The following UNC79 variants were observed in gnomAD, a reference collection of about 807,000 sequenced individuals.
UNC79 encodes the protein unc-79 subunit of NALCN channel complex, also known as protein unc-79 homolog.
In UNC79, 37 loss-of-function variants were observed where a neutral mutation model predicts 283.1. That is an observed-to-expected ratio of 0.13 (90% CI 0.10 to 0.17). The LOEUF (loss-of-function observed/expected upper bound fraction) is 0.17, where lower values mean the gene tolerates loss of function less well. Among genes scored for constraint, UNC79 ranks in the 10% least tolerant of loss-of-function variants. The pLI, the probability that UNC79 is intolerant of heterozygous loss-of-function variation, is 1.00. For missense variants in UNC79, 2,272 were observed against 3,211.1 expected, an observed-to-expected ratio of 0.71 and a Z score of 7.07; for synonymous variants, 1,107 against 1,200.2, an observed-to-expected ratio of 0.92 and a Z score of 1.61.
intron 3 of UNC79, among the ~76,000 whole-genome samples, chr14:93,476,136 A>G (rs1209559694): frequency 6.6e-6 from 1 of 152,138 alleles, no homozygotes; most frequent in Non-Finnish European, 1.5e-5. Flanking sequence ...CTGAATTTTT[A>G]GCAAGATCCT....
chr14:93,572,227 C>A, intron 15 of UNC79, 143 bp downstream of exon 15: 2 of 875,722 alleles, frequency 2.3e-6, no homozygotes, highest in South Asian at 2.6e-5. Flanking sequence ...ACTTGAAGCC[C>A]CAACATGAAA....
At chr14:93,340,509 C>T (rs371789564) in intron 1 of UNC79, among the ~76,000 whole-genome samples, 9 of 146,794 alleles carry the variant, frequency 6.1e-5, no homozygotes, top group East Asian at 6.0e-4. Context: ...GTGATTAGTA[C>T]GAAAGTAGTT....
At chr14:93,645,021 G>T (rs2069446224) in intron 34 of UNC79, among the ~76,000 whole-genome samples, 1 of 152,170 alleles carries the variant, frequency 6.6e-6, no homozygotes, top group Non-Finnish European at 1.5e-5. Flanking sequence ...AGTAATTGCA[G>T]AATAAATGTT....
chr14:93,640,496 CGTGTGCCTGTAGCCCCAGCCACTT>C (rs1456273999), intron 32 of UNC79, among the ~76,000 whole-genome samples: 1 of 152,098 alleles, frequency 6.6e-6, no homozygotes, highest in Non-Finnish European at 1.5e-5. Flanking sequence ...GGCATTGTGG[CGTGTGCCTGTAGCCCCAGCCACTT>C]GTGTGGCTGA....
intron 1 of UNC79, among the ~76,000 whole-genome samples, chr14:93,390,509 T>G (rs2054862237): frequency 6.6e-6 from 1 of 152,188 alleles, no homozygotes; most frequent in South Asian, 2.1e-4. Flanking sequence ...AAATTGGAAA[T>G]GAGTAAATAA....
intron 1 of UNC79, among the ~76,000 whole-genome samples, chr14:93,452,717 A>C (rs1050046872): frequency 6.6e-6 from 1 of 152,110 alleles, no homozygotes; most frequent in African/African-American, 2.4e-5. Flanking sequence ...CAATTTTCTC[A>C]GTTTTCTCAT....
intron 42 of UNC79, among the ~76,000 whole-genome samples, chr14:93,683,694 A>C (rs1438363583): frequency 6.6e-6 from 1 of 152,246 alleles, no homozygotes; most frequent in Non-Finnish European, 1.5e-5. Flanking sequence ...GAAAAGCAAC[A>C]TATAGGTCCC....
chr14:93,702,240 T>C (rs1450206209), intron 47 of UNC79, among the ~76,000 whole-genome samples: 3 of 152,158 alleles, frequency 2.0e-5, no homozygotes. Context: ...TACCAATCTT[T>C]GTAATCCCAC....
intron 1 of UNC79, among the ~76,000 whole-genome samples, chr14:93,385,830 G>A (rs1426297177): frequency 1.3e-5 from 2 of 151,822 alleles, no homozygotes; most frequent in Admixed American, 6.6e-5. Context: ...TTTGTATGCT[G>A]CAGCTTTACT....
At chr14:93,378,053 G>GTAAA (rs1488920915) in intron 1 of UNC79, among the ~76,000 whole-genome samples, 1 of 152,190 alleles carries the variant, frequency 6.6e-6, no homozygotes, top group African/African-American at 2.4e-5. Context: ...AAGCCTATTG[G>GTAAA]TAAATGAGTT....
rs117958069 is a variant in UNC79, at chr14:93,422,646, C to T, written c.-350-45025C>T. On this transcript the variant is annotated intron_variant, in intron 1 of 49. Coordinates refer to the UNC79 transcript ENST00000256339. The stretch of plus-strand genomic sequence containing the variant: ...TTTAGTTTACAGAAGGAACATACCT[C>T]GATATAAACAATGTTATATTAAAAA... Among the ~76,000 whole-genome samples the T allele has an allele frequency of 3.2e-3, 489 of 151,762 alleles. 2 individuals carry two copies. The highest frequency in any genetic ancestry group is 3.8e-3 in the African/African-American group (158 of 41,340).
intron 41 of UNC79, 94 bp downstream of exon 44, chr14:93,673,549 A>C: frequency 1.1e-6 from 1 of 951,588 alleles, no homozygotes; most frequent in Non-Finnish European, 1.6e-6. Flanking sequence ...AGAACTAAAT[A>C]TCTTTGCTTA....
At chr14:93,410,452 A>G (rs1415032503) in intron 1 of UNC79, among the ~76,000 whole-genome samples, 1 of 152,184 alleles carries the variant, frequency 6.6e-6, no homozygotes, top group Non-Finnish European at 1.5e-5. Flanking sequence ...CTTGGGGGAC[A>G]TGCCACTTAC....
chr14:93,432,665 A>G (rs1457556836), intron 1 of UNC79, among the ~76,000 whole-genome samples: 1 of 152,168 alleles, frequency 6.6e-6, no homozygotes, highest in African/African-American at 2.4e-5. Context: ...GAGGTTTTTG[A>G]AAAAAATTGG....
chr14:93,641,569 C>T (rs969336308), intron 33 of UNC79, among the ~76,000 whole-genome samples: 3 of 152,096 alleles, frequency 2.0e-5, no homozygotes, highest in African/African-American at 7.2e-5. Context: ...GGGAGGATCA[C>T]TTGAGCCTGG....
chr14:93,459,170 T>C (rs1194879236), intron 1 of UNC79, among the ~76,000 whole-genome samples: 2 of 152,176 alleles, frequency 1.3e-5, no homozygotes, highest in African/African-American at 4.8e-5. Context: ...TTTTGTATTT[T>C]TAGTAGAGAC....
At chr14:93,429,349 C>T (rs563390719), upstream of UNC79, among the ~76,000 whole-genome samples, 1 of 152,266 alleles carries the variant, frequency 6.6e-6, no homozygotes, top group Admixed American at 6.5e-5. Flanking sequence ...GCTGATTAGC[C>T]AGAGCAACCT....
intron 30 of UNC79, among the ~76,000 whole-genome samples, chr14:93,627,959 C>T (rs1376300400): frequency 6.6e-6 from 1 of 152,180 alleles, no homozygotes; most frequent in Non-Finnish European, 1.5e-5. Context: ...ACATCTCTGA[C>T]CTAGATGAAC....
At chr14:93,625,704 A>T (rs2067521131) in intron 30 of UNC79, among the ~76,000 whole-genome samples, 1 of 151,668 alleles carries the variant, frequency 6.6e-6, no homozygotes, top group Non-Finnish European at 1.5e-5. Flanking sequence ...TTTTCTCCTT[A>T]CTCAACTTAA....
Sources: allele counts gnomAD v4.1 joint callset (sites outside exome capture counted in the v4.1 genomes callset), GRCh38; gene constraint gnomAD v4.1.1; transcripts MANE v1.5; gene names NCBI Gene and HGNC (gene_info 2026-07-23, HGNC 2026-07-21).